EXOC2: variants seen among roughly 807,000 people sequenced by gnomAD.
EXOC2 encodes the protein exocyst complex component 2.
In EXOC2, 70 loss-of-function variants were observed where a neutral mutation model predicts 131.8. That is an observed-to-expected ratio of 0.53 (90% CI 0.44 to 0.65). The LOEUF (loss-of-function observed/expected upper bound fraction) is 0.65. Among genes scored for constraint, EXOC2 ranks in the 30% least tolerant of loss-of-function variants. The pLI is 0.00. For synonymous variants in EXOC2, 411 were observed against 398.4 expected, an observed-to-expected ratio of 1.03 and a Z score of -0.38; for missense variants, 923 against 1,108.6, an observed-to-expected ratio of 0.83 and a Z score of 2.38.
intron 1 of EXOC2, among the ~76,000 whole-genome samples, chr6:640,460 C>T (rs565290258): frequency 6.6e-6 from 1 of 152,158 alleles, no homozygotes; most frequent in Non-Finnish European, 1.5e-5. Context: ...TGTTGTATGG[C>T]CTGAATTATG....
chr6:579,538 T>C (rs1374076198), intron 11 of EXOC2, among the ~76,000 whole-genome samples: 1 of 152,192 alleles, frequency 6.6e-6, no homozygotes, highest in Non-Finnish European at 1.5e-5. Context: ...GTCCAGAAGG[T>C]AGCGCTTCAC....
At chr6:532,716 A>G in intron 22 of EXOC2, 106 bp from the exon 23 acceptor site, 1 of 1,107,032 alleles carries the variant, frequency 9.0e-7, no homozygotes, top group East Asian at 2.8e-5. Context: ...GCACTTCTCA[A>G]TTTTCCTACA....
At chr6:687,220 A>AGGCTGCT (rs940895218) in intron 1 of EXOC2, among the ~76,000 whole-genome samples, 1 of 113,808 alleles carries the variant, frequency 8.8e-6, no homozygotes, top group Non-Finnish European at 1.6e-5. Flanking sequence ...TCAGTCACCC[A>AGGCTGCT]GGCTGCTGGA....
chr6:540,381 C>G (rs1031229195), intron 22 of EXOC2, among the ~76,000 whole-genome samples: 3 of 152,288 alleles, frequency 2.0e-5, no homozygotes, highest in South Asian at 4.1e-4. Context: ...ACAGAATAAT[C>G]GGAAAGACAC....
intron 23 of EXOC2, among the ~76,000 whole-genome samples, chr6:515,432 A>G (rs1018030096): frequency 6.6e-6 from 1 of 152,146 alleles, no homozygotes; most frequent in African/African-American, 2.4e-5. Flanking sequence ...GTTGCTCTCT[A>G]CAATCCTTAG....
chr6:630,256 C>T (rs542130562), intron 3 of EXOC2, among the ~76,000 whole-genome samples: 6 of 147,810 alleles, frequency 4.1e-5, no homozygotes, highest in Admixed American at 1.3e-4. Context: ...CAATAACAAA[C>T]ATATTTTACA....
chr6:657,127 G>A (rs145425837), intron 1 of EXOC2: 156 of 447,352 alleles, frequency 3.5e-4, no homozygotes, highest in Middle Eastern at 1.1e-3. Flanking sequence ...CCCTAGGCCT[G>A]GAGCCACGGA....
At chr6:494,700 G>A (rs1184465750) in intron 25 of EXOC2, among the ~76,000 whole-genome samples, 5 of 152,072 alleles carry the variant, frequency 3.3e-5, no homozygotes, top group Admixed American at 6.6e-5. Context: ...TACAGTATAC[G>A]TATATGTCTG....
intron 16 of EXOC2, 121 bp from the exon 17 acceptor site, chr6:562,966 G>T: frequency 1.7e-6 from 1 of 577,950 alleles, no homozygotes; most frequent in Non-Finnish European, 2.7e-6. Context: ...AAAACTCGAT[G>T]AAAGTAGGCA....
intron 23 of EXOC2, among the ~76,000 whole-genome samples, chr6:520,909 G>GAGATGAAA (rs1765397686): frequency 7.7e-6 from 1 of 130,112 alleles, no homozygotes; most frequent in African/African-American, 3.3e-5. Context: ...TCCACACTCG[G>GAGATGAAA]ACATGAAAAT....
chr6:617,292 G>A (rs1184820279), intron 6 of EXOC2, among the ~76,000 whole-genome samples: 1 of 152,206 alleles, frequency 6.6e-6, no homozygotes, highest in Non-Finnish European at 1.5e-5. Context: ...AGCTACCTGC[G>A]TGCATACGTG....
intron 6 of EXOC2, among the ~76,000 whole-genome samples, chr6:616,582 G>A (rs1244773960): frequency 1.8e-4 from 19 of 107,832 alleles, no homozygotes; most frequent in Non-Finnish European, 3.3e-4. Flanking sequence ...CCGCCTGGGC[G>A]ACAGAGCGAA....
intron 11 of EXOC2, among the ~76,000 whole-genome samples, chr6:583,856 A>C (rs1759052172): frequency 6.6e-6 from 1 of 152,142 alleles, no homozygotes; most frequent in East Asian, 1.9e-4. Context: ...CAAAGGCACC[A>C]CCCCAGTGCT....
chr6:533,349 T>G (rs1766218314), intron 22 of EXOC2, among the ~76,000 whole-genome samples: 1 of 152,216 alleles, frequency 6.6e-6, no homozygotes, highest in Non-Finnish European at 1.5e-5. Context: ...TTCTTCATAT[T>G]AACTAATTCA....
chr6:686,683 T>A (rs990902343), intron 1 of EXOC2, among the ~76,000 whole-genome samples: 1 of 152,238 alleles, frequency 6.6e-6, no homozygotes, highest in Non-Finnish European at 1.5e-5. Context: ...AAAAGTTACT[T>A]AGAGGTCTGC....
chr6:652,705 G>C (rs918633832), intron 1 of EXOC2, among the ~76,000 whole-genome samples: 3 of 152,178 alleles, frequency 2.0e-5, no homozygotes, highest in Non-Finnish European at 2.9e-5. Flanking sequence ...GCGGGGCTGG[G>C]GGTGGGGAAG....
chr6:555,111 T>C (rs995610833), intron 20 of EXOC2, 116 bp downstream of exon 20: 11 of 492,710 alleles, frequency 2.2e-5, no homozygotes, highest in African/African-American at 2.0e-4. Flanking sequence ...TACTTCGATA[T>C]GAACAATCTT....
At chr6:520,834 T>C (rs112057317) in intron 23 of EXOC2, among the ~76,000 whole-genome samples, 1,825 of 44,160 alleles carry the variant, frequency 0.041, 47 homozygotes, top group African/African-American at 0.082. Flanking sequence ...ACCTATTGAG[T>C]GCCAACAATC....
intron 23 of EXOC2, among the ~76,000 whole-genome samples, chr6:530,935 A>C (rs2127538777): frequency 6.6e-6 from 1 of 152,358 alleles, no homozygotes; most frequent in Non-Finnish European, 1.5e-5. Context: ...GCATTGTATT[A>C]GGTGTTATAA....
Sources: gnomAD v4.1 joint callset for allele counts (sites outside exome capture counted in the v4.1 genomes callset) on GRCh38, gnomAD v4.1.1 for gene constraint, MANE v1.5 for transcripts, NCBI Gene and HGNC (gene_info 2026-07-23, HGNC 2026-07-21) for gene names.